The following DENND1B variants were observed in gnomAD, a reference collection of about 807,000 sequenced individuals.
The protein encoded by DENND1B is DENN domain containing 1B, also known as DENN domain-containing protein 1B.
DENND1B carries 59 observed loss-of-function variants against 90.1 expected under a neutral mutation model. The observed-to-expected ratio is 0.65, with a 90% CI of 0.53 to 0.81. The LOEUF (loss-of-function observed/expected upper bound fraction) is 0.81, where lower values mean the gene tolerates loss of function less well. Among genes scored for constraint, DENND1B ranks in the 40% least tolerant of loss-of-function variants. The pLI is 0.00. For missense variants in DENND1B, 862 were observed against 912.6 expected, an observed-to-expected ratio of 0.94 and a Z score of 0.71; for synonymous variants, 337 against 324.6, an observed-to-expected ratio of 1.04 and a Z score of -0.41.
At chr1:197,538,163 G>T (rs868044198) in intron 20 of DENND1B, among the ~76,000 whole-genome samples, 1 of 151,990 alleles carries the variant, frequency 6.6e-6, no homozygotes, top group Admixed American at 6.5e-5. Flanking sequence ...AGGTAACAAA[G>T]ATCTCATATT....
chr1:197,749,207 G>T (rs1255490726), intron 2 of DENND1B, among the ~76,000 whole-genome samples: 2 of 151,946 alleles, frequency 1.3e-5, no homozygotes, highest in Non-Finnish European at 2.9e-5. Flanking sequence ...AAGAATAAAG[G>T]AGGATAAACA....
At chr1:197,768,366 G>A (rs551648029) in intron 2 of DENND1B, among the ~76,000 whole-genome samples, 1 of 152,246 alleles carries the variant, frequency 6.6e-6, no homozygotes, top group East Asian at 1.9e-4. Flanking sequence ...TCCCAGAAGA[G>A]AAATGCTTAG....
At chr1:197,535,007 GA>G (rs1161810901) in intron 20 of DENND1B, among the ~76,000 whole-genome samples, 2 of 152,268 alleles carry the variant, frequency 1.3e-5, no homozygotes, top group Non-Finnish European at 1.5e-5. Flanking sequence ...CCAGAAAAGT[GA>G]ACCAAAGAAG....
chr1:197,737,228 C>G (rs1164262597), intron 2 of DENND1B, among the ~76,000 whole-genome samples: 1 of 152,172 alleles, frequency 6.6e-6, no homozygotes, highest in Non-Finnish European at 1.5e-5. Flanking sequence ...ATCATCTGCC[C>G]TATGTCGAAG....
chr1:197,650,156 C>A (rs1652964592), intron 7 of DENND1B, among the ~76,000 whole-genome samples: 1 of 152,174 alleles, frequency 6.6e-6, no homozygotes, highest in African/African-American at 2.4e-5. Context: ...CAATGTGATA[C>A]TACCTTACTT....
At chr1:197,735,075 A>G in intron 2 of DENND1B, 2 of 977,158 alleles carry the variant, frequency 2.0e-6, no homozygotes, top group Non-Finnish European at 2.4e-6. Context: ...TTAAAAGAAC[A>G]TTTCATAAAA....
rs562992624 is a variant in DENND1B, at chr1:197,772,788, G to A, written c.82+80C>T. 9.8e-5 allele frequency: 126 copies of A among 1,281,284 alleles called. No homozygotes were observed. The East Asian group carries it at 3.1e-3, about 32-fold the overall frequency. 79.4% of individuals were successfully genotyped at this position (1,281,284 alleles called of 1,614,324 possible). ...TGTGGTGAGCCCTGATCATGCCACT[G>A]CACAGCCTGAGGAACAGAATGAGAT... On this transcript the variant is annotated intron_variant, in intron 2 of 22. Transcript: ENST00000620048.
intron 20 of DENND1B, among the ~76,000 whole-genome samples, chr1:197,525,439 T>C (rs568033912): frequency 1.3e-5 from 2 of 152,216 alleles, no homozygotes; most frequent in South Asian, 4.1e-4. Context: ...AATTTCACTT[T>C]TGTTGACAGG....
intron 20 of DENND1B, among the ~76,000 whole-genome samples, chr1:197,516,131 A>G (rs1456858215): frequency 1.3e-5 from 2 of 151,856 alleles, no homozygotes; most frequent in Admixed American, 1.3e-4. Context: ...ATATCTTATG[A>G]TAAGTTTTAA....
intron 13 of DENND1B, among the ~76,000 whole-genome samples, chr1:197,602,987 T>A (rs937819819): frequency 5.9e-5 from 9 of 151,356 alleles, no homozygotes. Context: ...TGTATGATAT[T>A]TTAGATAGCA....
At chr1:197,560,296 A>C (rs1046226001) in intron 15 of DENND1B, among the ~76,000 whole-genome samples, 8 of 151,900 alleles carry the variant, frequency 5.3e-5, no homozygotes, top group African/African-American at 1.9e-4. Context: ...GACACCTGAA[A>C]TACAGGAATA....
At position 197,508,944 on chromosome 1, in the gene DENND1B, C is replaced by T. The variant is rs1380614967; in HGVS notation, c.*1516G>A. 1.3e-5 allele frequency: 2 copies of T among 151,612 alleles called. No homozygotes were observed. Among genetic ancestry groups the T allele is most frequent in the Non-Finnish European group, 3.0e-5 (2 of 67,784 alleles). 9.4% of individuals were successfully genotyped at this position (151,612 alleles called of 1,614,324 possible). A position where few individuals can be genotyped will look rare whatever the true frequency, so the allele number is the denominator to read the frequency against. ...GAATTCCCAGTTATTTATGTAGATA[C>T]TTCTCTGCCCTAAAGAAGGGGAATT... On this transcript the variant is annotated 3_prime_UTR_variant, in exon 23 of 23. Transcript: ENST00000620048.
intron 2 of DENND1B, chr1:197,735,036 A>C (rs1662513923): frequency 1.0e-6 from 1 of 985,438 alleles, no homozygotes. Context: ...CTACTTCTGT[A>C]GAAAAAGCGG....
At chr1:197,742,628 C>G (rs1157683843) in intron 2 of DENND1B, among the ~76,000 whole-genome samples, 1 of 152,000 alleles carries the variant, frequency 6.6e-6, no homozygotes, top group Non-Finnish European at 1.5e-5. Context: ...AGACTGTGGT[C>G]TCTGGGAAAA....
At chr1:197,720,044 T>C (rs1255031052) in intron 2 of DENND1B, among the ~76,000 whole-genome samples, 2 of 152,166 alleles carry the variant, frequency 1.3e-5, no homozygotes, top group Non-Finnish European at 2.9e-5. Flanking sequence ...AGCAAATCAA[T>C]TTCCTTGTCT....
At chr1:197,669,571 T>A (rs915007826) in intron 5 of DENND1B, among the ~76,000 whole-genome samples, 6 of 152,138 alleles carry the variant, frequency 3.9e-5, no homozygotes, top group African/African-American at 1.4e-4. Context: ...ATTCTCTAAA[T>A]CAGCTGTTCT....
At chr1:197,590,851 A>G (rs1675139082) in intron 14 of DENND1B, among the ~76,000 whole-genome samples, 1 of 152,294 alleles carries the variant, frequency 6.6e-6, no homozygotes, top group African/African-American at 2.4e-5. Flanking sequence ...CAATAAGACC[A>G]TAATAGCCAC....
intron 19 of DENND1B, 127 bp downstream of exon 19, chr1:197,540,832 A>T (rs1670279886): frequency 1.2e-6 from 1 of 805,120 alleles, no homozygotes; most frequent in South Asian, 1.9e-5. Context: ...TATAAAAAAT[A>T]CATTCTTGAA....
chr1:197,673,197 T>A (rs1268950921), intron 4 of DENND1B, among the ~76,000 whole-genome samples: 1 of 152,012 alleles, frequency 6.6e-6, no homozygotes, highest in Non-Finnish European at 1.5e-5. Context: ...TGACCTCTAG[T>A]GCCCAAGATT....
Sources: allele counts gnomAD v4.1 joint callset (sites outside exome capture counted in the v4.1 genomes callset), GRCh38; gene constraint gnomAD v4.1.1; transcripts MANE v1.5; gene names NCBI Gene and HGNC (gene_info 2026-07-23, HGNC 2026-07-21).